The following DDX60L variants were observed in gnomAD, a reference collection of about 807,000 sequenced individuals.
DDX60L encodes the protein probable ATP-dependent RNA helicase DDX60-like.
In DDX60L, 191 loss-of-function variants were observed where a neutral mutation model predicts 211.6. The observed-to-expected ratio is 0.90, with a 90% confidence interval of 0.80 to 1.02. The LOEUF is 1.02. Among genes scored for constraint, DDX60L ranks in the 50% least tolerant of loss-of-function variants. DDX60L has a pLI of 0.00. For missense variants in DDX60L, 2,007 were observed against 1,984.1 expected, an observed-to-expected ratio of 1.01 and a Z score of -0.22; for synonymous variants, 706 against 694.1, an observed-to-expected ratio of 1.02 and a Z score of -0.27.
At chr4:168,431,584 A>G (rs377548182) in intron 12 of DDX60L, among the ~76,000 whole-genome samples, 4,882 of 149,940 alleles carry the variant, frequency 0.033, 298 homozygotes, top group African/African-American at 0.11. Context: ...GATAGCATTA[A>G]GAGATATACC....
intron 8 of DDX60L, among the ~76,000 whole-genome samples, chr4:168,450,338 T>G (rs913231960): frequency 3.9e-5 from 6 of 152,066 alleles, no homozygotes; most frequent in African/African-American, 2.4e-5. Context: ...GCCCTATGAT[T>G]TCATCTCTGA....
intron 8 of DDX60L, among the ~76,000 whole-genome samples, chr4:168,449,812 A>AAAT (rs1243855604): frequency 1.1e-5 from 1 of 94,694 alleles, no homozygotes; most frequent in African/African-American, 3.5e-5. Context: ...AAATAAAAAA[A>AAAT]AAAAAAAAAA....
intron 7 of DDX60L, among the ~76,000 whole-genome samples, chr4:168,455,126 T>C (rs1341720909): frequency 8.5e-5 from 13 of 152,136 alleles, no homozygotes; most frequent in East Asian, 3.9e-4. Context: ...TTTTCTCCTA[T>C]AGAATACTAA....
chr4:168,369,716 G>A (rs1740655180), intron 36 of DDX60L, among the ~76,000 whole-genome samples: 2 of 151,768 alleles, frequency 1.3e-5, no homozygotes, highest in Admixed American at 1.3e-4. Context: ...GAATACATAA[G>A]AAACATAACA....
chr4:168,390,970 T>C (rs1017169879), intron 29 of DDX60L, among the ~76,000 whole-genome samples: 1 of 150,842 alleles, frequency 6.6e-6, no homozygotes, highest in Non-Finnish European at 1.5e-5. Flanking sequence ...AAAACCTTTT[T>C]AAAAAAAAAG....
In DDX60L at chr4:168,379,326, G is replaced by A. The variant is rs372360481; in HGVS notation, c.4363+37C>T. The stretch of plus-strand genomic sequence containing the variant: ...GTTTTGGCTATTCAATAAATATGTT[G>A]CCATTTTTCGACTACAGGTATAAAA... On this transcript the variant is annotated intron_variant, in intron 32 of 37. Transcript: ENST00000682922. 3 of 1,478,818 alleles carry A rather than the reference G, an allele frequency of 2.0e-6. No individual in the cohort carries two copies. The African/African-American group carries it at 4.3e-5, about 21-fold the overall frequency. 91.6% of individuals were successfully genotyped at this position (1,478,818 alleles called of 1,614,324 possible). A position where few individuals can be genotyped will look rare whatever the true frequency, so the allele number is the denominator to read the frequency against.
At chr4:168,370,620 A>C (rs540534098) in intron 36 of DDX60L, among the ~76,000 whole-genome samples, 1 of 152,320 alleles carries the variant, frequency 6.6e-6, no homozygotes, top group East Asian at 1.9e-4. Flanking sequence ...TAAGTGCATA[A>C]GGTGATGGGT....
chr4:168,367,075 A>C (rs973223017), intron 36 of DDX60L, among the ~76,000 whole-genome samples: 12 of 152,168 alleles, frequency 7.9e-5, no homozygotes, highest in African/African-American at 2.7e-4. Context: ...TGCTGGGAAA[A>C]TTAGATATAC....
Position 168,415,803 on chromosome 4 carries a change from A to G in DDX60L, c.2727-4T>C. 1 of 1,521,652 alleles carries G rather than the reference A, an allele frequency of 6.6e-7. No individual in the cohort carries two copies. Among genetic ancestry groups the G allele is most frequent in the African/African-American group, 1.4e-5 (1 of 71,690 alleles). 94.3% of individuals were successfully genotyped at this position (1,521,652 alleles called of 1,614,324 possible). A position where few individuals can be genotyped will look rare whatever the true frequency, so the allele number is the denominator to read the frequency against. On this transcript the variant is annotated splice_polypyrimidine_tract_variant and splice_region_variant and intron_variant, in intron 20 of 37. Coordinates refer to ENST00000682922, the MANE Select transcript of DDX60L (RefSeq NM_001012967.3). ...CTGTTTTACTGATTGCAGCCACCTT[A>G]CAGAATAAACATGCATATAATTTAA...
intron 14 of DDX60L, among the ~76,000 whole-genome samples, chr4:168,426,301 A>C (rs1751434225): frequency 6.6e-6 from 1 of 152,214 alleles, no homozygotes; most frequent in Non-Finnish European, 1.5e-5. Context: ...GGTCAGAAAC[A>C]AAAGGCTTTA....
chr4:168,375,128 T>C (rs532668519), intron 34 of DDX60L, among the ~76,000 whole-genome samples: 7 of 147,902 alleles, frequency 4.7e-5, no homozygotes, highest in African/African-American at 1.7e-4. Context: ...TGAATGACTT[T>C]TATTTTTTTT....
chr4:168,422,777 CTTTTT>C lies in DDX60L; in HGVS notation c.2098-112_2098-108del, dbSNP rs1029282139. On this transcript the variant is annotated intron_variant, in intron 15 of 37. Coordinates refer to ENST00000682922, the MANE Select transcript of DDX60L (RefSeq NM_001012967.3). ...CTATGCACAAGGCATTTTTACTACA[CTTTTT>C]TTTATTTTTTTGAGACAGGGTCTTT... 24 of 886,758 alleles carry C rather than the reference CTTTTT, an allele frequency of 2.7e-5. No individual in the cohort carries two copies. In the South Asian group the frequency reaches 4.3e-4, roughly 16 times the overall value. 54.9% of individuals were successfully genotyped at this position (886,758 alleles called of 1,614,324 possible).
intron 29 of DDX60L, among the ~76,000 whole-genome samples, chr4:168,390,729 T>C (rs1744663868): frequency 6.6e-6 from 1 of 152,010 alleles, no homozygotes; most frequent in South Asian, 2.1e-4. Flanking sequence ...TATAAGGAAA[T>C]GAGAAGACTC....
At chr4:168,406,730 T>C (rs756637441) in intron 22 of DDX60L, 24 bp from the exon 23 acceptor site, 6 of 1,419,566 alleles carry the variant, frequency 4.2e-6, no homozygotes, top group Non-Finnish European at 3.9e-6. Flanking sequence ...AATTAATGGA[T>C]GGATGAAGAA....
At chr4:168,442,970 C>T (rs1754176814) in intron 9 of DDX60L, among the ~76,000 whole-genome samples, 3 of 152,168 alleles carry the variant, frequency 2.0e-5, no homozygotes, top group Non-Finnish European at 2.9e-5. Context: ...AGCAGAGCGC[C>T]TCTCCTCCTC....
At chr4:168,397,240 G>A (rs945812475) in intron 26 of DDX60L, among the ~76,000 whole-genome samples, 12 of 152,152 alleles carry the variant, frequency 7.9e-5, no homozygotes, top group African/African-American at 2.9e-4. Flanking sequence ...AAATGTTGAG[G>A]GAAGGTTTAA....
intron 30 of DDX60L, among the ~76,000 whole-genome samples, chr4:168,382,541 G>A (rs1489596959): frequency 6.6e-6 from 1 of 151,314 alleles, no homozygotes; most frequent in Non-Finnish European, 1.5e-5. Flanking sequence ...ATTTTTATCT[G>A]GAATTAAGAG....
chr4:168,416,525 C>A (rs1348359164), intron 20 of DDX60L, among the ~76,000 whole-genome samples, 157 bp downstream of exon 20: 2 of 152,122 alleles, frequency 1.3e-5, no homozygotes, highest in African/African-American at 4.8e-5. Flanking sequence ...TTAAGGCCAG[C>A]CTGGGCAACA....
At chr4:168,396,920 C>T (rs961042126) in intron 26 of DDX60L, among the ~76,000 whole-genome samples, 1 of 152,074 alleles carries the variant, frequency 6.6e-6, no homozygotes, top group East Asian at 1.9e-4. Flanking sequence ...ATGTTTGTGC[C>T]CCCTCAAAAC....
Sources: allele counts gnomAD v4.1 joint callset (sites outside exome capture counted in the v4.1 genomes callset), GRCh38; gene constraint gnomAD v4.1.1; transcripts MANE v1.5; gene names NCBI Gene and HGNC (gene_info 2026-07-23, HGNC 2026-07-21).